Variants in SATB2 observed in about 807,000 individuals in gnomAD.
SATB2 encodes SATB homeobox 2.
Under a neutral mutation model 73.4 loss-of-function variants are expected in SATB2, and 1 was observed. The observed-to-expected ratio is 0.01, with a 90% CI of 0.00 to 0.06. The LOEUF (loss-of-function observed/expected upper bound fraction) is 0.06, where lower values mean the gene tolerates loss of function less well. SATB2 is among the 10% of genes least tolerant of loss of function. SATB2 has a pLI of 1.00. For missense variants in SATB2, 459 were observed against 945.8 expected, an observed-to-expected ratio of 0.49 and a Z score of 6.75; for synonymous variants, 397 against 367.0, an observed-to-expected ratio of 1.08 and a Z score of -0.93.
chr2:199,292,708 G>T (rs1282447814), intron 10 of SATB2, among the ~76,000 whole-genome samples: 1 of 152,176 alleles, frequency 6.6e-6, no homozygotes. Context: ...TATTTAAAGT[G>T]AGGCTTATAG....
chr2:199,276,908 AAACAAC>A (rs896113202), intron 10 of SATB2, among the ~76,000 whole-genome samples: 4 of 152,210 alleles, frequency 2.6e-5, no homozygotes, highest in African/African-American at 7.2e-5. Flanking sequence ...TCATCACCAG[AAACAAC>A]CCAAGTGTCT....
upstream of SATB2, among the ~76,000 whole-genome samples, chr2:199,461,740 A>G (rs954134831): frequency 1.3e-5 from 2 of 152,226 alleles, no homozygotes; most frequent in African/African-American, 4.8e-5. Flanking sequence ...TTTCACAAAC[A>G]CGGATTTGTT....
chr2:199,330,505 G>A (rs1341278347), intron 7 of SATB2, among the ~76,000 whole-genome samples: 1 of 152,016 alleles, frequency 6.6e-6, no homozygotes, highest in African/African-American at 2.4e-5. Context: ...CCCAAGAAGG[G>A]GACAAGGTAG....
chr2:199,358,648 C>T lies in SATB2; in HGVS notation c.701-9475G>A, dbSNP rs111255506. On this transcript the variant is annotated intron_variant, in intron 6 of 10. Transcript: ENST00000417098. ...TAAAACAGCCCATAAGCAAAGCCTACCAGCCAGCATTGTGATAATACCATA... is the reference window on the plus strand; with the variant it reads ...TAAAACAGCCCATAAGCAAAGCCTATCAGCCAGCATTGTGATAATACCATA... Among the ~76,000 whole-genome samples, 803 of 152,256 alleles carry T rather than the reference C, an allele frequency of 5.3e-3. 3 individuals are homozygous for T. The highest frequency in any genetic ancestry group is 8.4e-3 in the Non-Finnish European group (572 of 67,984).
chr2:199,278,182 G>A (rs1692375560), intron 10 of SATB2, among the ~76,000 whole-genome samples: 2 of 152,210 alleles, frequency 1.3e-5, no homozygotes, highest in African/African-American at 2.4e-5. Context: ...GCATGAAGAT[G>A]TGAAGCCCAG....
intron 3 of SATB2, among the ~76,000 whole-genome samples, chr2:199,414,018 C>A (rs531192188): frequency 6.6e-6 from 1 of 152,312 alleles, no homozygotes; most frequent in East Asian, 1.9e-4. Flanking sequence ...CATGTCACTC[C>A]ACTGACTCAA....
Position 199,455,836 on chromosome 2 carries a change from C to A in SATB2, c.169+33G>T. On this transcript the variant is annotated intron_variant, in intron 2 of 10. Transcript: ENST00000417098. The surrounding 1 kb of genome is among the most constrained non-coding windows in gnomAD (Gnocchi z 4.1). ...CACCCGGGCCATTATCACTGGGCCG[C>A]GGGCTGCGCGCCTCCCTGCTCCGGG... 6.5e-7 allele frequency: 1 copy of A among 1,533,792 alleles called. No homozygotes were observed. Among genetic ancestry groups the A allele is most frequent in the Non-Finnish European group, 8.7e-7 (1 of 1,146,106 alleles).
intron 10 of SATB2, among the ~76,000 whole-genome samples, chr2:199,304,939 T>C (rs986117645): frequency 1.3e-5 from 2 of 152,126 alleles, no homozygotes; most frequent in Admixed American, 6.6e-5. Context: ...GTCTCAGCTA[T>C]AATCTTGCTT....
intron 9 of SATB2, among the ~76,000 whole-genome samples, chr2:199,320,245 C>G (rs1195499004): frequency 6.6e-6 from 1 of 152,084 alleles, no homozygotes; most frequent in Non-Finnish European, 1.5e-5. Context: ...CTAAGAACCC[C>G]TAACTCCTAA....
At chr2:199,313,640 C>T (rs1687653182) in intron 9 of SATB2, among the ~76,000 whole-genome samples, 1 of 152,154 alleles carries the variant, frequency 6.6e-6, no homozygotes, top group South Asian at 2.1e-4. Flanking sequence ...TGAAAAGTTG[C>T]ATATCAATTT....
intron 5 of SATB2, among the ~76,000 whole-genome samples, chr2:199,379,434 T>C (rs1346958749): frequency 6.6e-6 from 1 of 152,196 alleles, no homozygotes; most frequent in African/African-American, 2.4e-5. Flanking sequence ...TAGATGGATT[T>C]AGCATGGCTG....
At chr2:199,322,036 T>C (rs996162057) in intron 9 of SATB2, among the ~76,000 whole-genome samples, 4 of 152,202 alleles carry the variant, frequency 2.6e-5, no homozygotes, top group African/African-American at 7.2e-5. Context: ...CTTCTGCCAG[T>C]TGGCAAAAGC....
chr2:199,338,933 A>AAAAG (rs1232474104), intron 7 of SATB2, among the ~76,000 whole-genome samples: 7 of 150,134 alleles, frequency 4.7e-5, no homozygotes, highest in South Asian at 2.1e-4. Context: ...AAAAAAAAAA[A>AAAAG]AAAGAAAGAA....
At chr2:199,373,116 T>C (rs1689498350) in intron 5 of SATB2, among the ~76,000 whole-genome samples, 1 of 152,088 alleles carries the variant, frequency 6.6e-6, no homozygotes, top group Non-Finnish European at 1.5e-5. Context: ...TTTAAAGCAA[T>C]GTGAAGAATT....
intron 3 of SATB2, among the ~76,000 whole-genome samples, chr2:199,383,990 T>A (rs564668678): frequency 1.3e-5 from 2 of 152,340 alleles, no homozygotes; most frequent in African/African-American, 4.8e-5. Flanking sequence ...ATTGTCAAAA[T>A]TTATCAAACT....
chr2:199,385,325 G>A (rs888718782), intron 3 of SATB2, among the ~76,000 whole-genome samples: 1 of 152,006 alleles, frequency 6.6e-6, no homozygotes, highest in Admixed American at 6.6e-5. Flanking sequence ...ATAGAGACAG[G>A]GTTTCACCAT....
In SATB2 at chr2:199,381,762, G is replaced by A. The variant is rs150990155; in HGVS notation, c.405C>T (p.Pro135=). 1.7e-4 allele frequency: 282 copies of A among 1,613,978 alleles called. No individual in the cohort carries two copies. The Admixed American group carries it at 4.2e-3, about 24-fold the overall frequency. The part of the protein sequence containing the change: ...PLPLSYVTDA[P]DATVADMLQD... ...GTAGCATGTCGGCCACTGTCGCGTC[G>A]GGTGCATCTGTCACATAACTGAGGG... Residue 135 remains proline, a synonymous_variant, in exon 4 of 11, where the codon CCC becomes CCT. Transcript: ENST00000417098.
chr2:199,442,108 T>C (rs1691833074), intron 2 of SATB2, among the ~76,000 whole-genome samples: 1 of 152,166 alleles, frequency 6.6e-6, no homozygotes, highest in African/African-American at 2.4e-5. Context: ...ACCTATATAG[T>C]AGGCCCAAAA....
chr2:199,435,865 C>T (rs1045547030), intron 2 of SATB2, among the ~76,000 whole-genome samples: 2 of 152,138 alleles, frequency 1.3e-5, no homozygotes, highest in Non-Finnish European at 2.9e-5. Flanking sequence ...AGGAATAGCC[C>T]CCATTTAGAG....
Sources: allele counts gnomAD v4.1 joint callset (sites outside exome capture counted in the v4.1 genomes callset), GRCh38; gene constraint gnomAD v4.1.1; non-coding constraint Gnocchi (gnomAD v3.1); transcripts MANE v1.5; gene names NCBI Gene and HGNC (gene_info 2026-07-23, HGNC 2026-07-21).